Variants in SLC35F4 observed in about 807,000 individuals in gnomAD.
The protein encoded by SLC35F4 is chromosome 14 open reading frame 36.
SLC35F4 carries 24 observed loss-of-function variants against 44.2 expected under a neutral mutation model. The ratio of observed to expected loss-of-function variants is 0.54; its 90% CI spans 0.39 to 0.76. The LOEUF (loss-of-function observed/expected upper bound fraction) is 0.76, where lower values mean the gene tolerates loss of function less well. Ranked by LOEUF, SLC35F4 falls within the 30% of genes least tolerant of loss-of-function variation. SLC35F4 has a pLI of 0.00. For synonymous variants in SLC35F4, 238 were observed against 223.6 expected, an observed-to-expected ratio of 1.06 and a Z score of -0.57; for missense variants, 562 against 586.1, an observed-to-expected ratio of 0.96 and a Z score of 0.42.
chr14:57,932,900 C>T (rs1889726631), intron 1 of SLC35F4, among the ~76,000 whole-genome samples: 1 of 152,106 alleles, frequency 6.6e-6, no homozygotes, highest in Non-Finnish European at 1.5e-5. Context: ...AAGCTTTGCT[C>T]TTCTGATGCA....
At chr14:57,668,914 C>A (rs1482420152) in intron 1 of SLC35F4, among the ~76,000 whole-genome samples, 3 of 151,980 alleles carry the variant, frequency 2.0e-5, no homozygotes, top group South Asian at 2.1e-4. Flanking sequence ...TATAAATTAC[C>A]TTGGGCAGTA....
intron 1 of SLC35F4, among the ~76,000 whole-genome samples, chr14:57,759,155 C>A (rs190394830): frequency 4.5e-4 from 69 of 152,130 alleles, no homozygotes; most frequent in African/African-American, 1.5e-3. Flanking sequence ...GATTGCTTTC[C>A]CCTCTTGGCA....
At chr14:57,723,061 G>A (rs1477374365) in intron 1 of SLC35F4, among the ~76,000 whole-genome samples, 1 of 152,152 alleles carries the variant, frequency 6.6e-6, no homozygotes, top group South Asian at 2.1e-4. Flanking sequence ...GGGGACTACT[G>A]GACACTGGCT....
chr14:57,850,451 T>C (rs902614552), intron 1 of SLC35F4, among the ~76,000 whole-genome samples: 9 of 152,220 alleles, frequency 5.9e-5, no homozygotes, highest in Admixed American at 2.6e-4. Context: ...TCTTCTTCAC[T>C]ACCTAGAAGC....
intron 1 of SLC35F4, among the ~76,000 whole-genome samples, chr14:57,780,460 A>G (rs557110871): frequency 3.9e-4 from 59 of 152,330 alleles, no homozygotes; most frequent in African/African-American, 1.3e-3. Context: ...ATGGAAAAAC[A>G]TTTCATGCTC....
At chr14:57,815,584 T>C (rs182711643) in intron 1 of SLC35F4, among the ~76,000 whole-genome samples, 1 of 152,310 alleles carries the variant, frequency 6.6e-6, no homozygotes, top group Admixed American at 6.5e-5. Context: ...ATTTTTAATA[T>C]GTGACCCTTC....
intron 1 of SLC35F4, among the ~76,000 whole-genome samples, chr14:57,694,379 GGATCA>G (rs538458691): frequency 9.9e-5 from 15 of 152,096 alleles, no homozygotes; most frequent in Non-Finnish European, 2.2e-4. Flanking sequence ...TACATAAACA[GGATCA>G]GATATCACTT....
chr14:57,624,231 C>T (rs374033285), intron 1 of SLC35F4, among the ~76,000 whole-genome samples: 1 of 152,008 alleles, frequency 6.6e-6, no homozygotes, highest in African/African-American at 2.4e-5. Flanking sequence ...ACACATACAC[C>T]CTCTCAAGAC....
intron 1 of SLC35F4, among the ~76,000 whole-genome samples, chr14:57,909,443 A>G (rs1206563369): frequency 1.3e-5 from 2 of 151,500 alleles, no homozygotes; most frequent in East Asian, 3.9e-4. Flanking sequence ...TGCTCCACCA[A>G]TTTACCCCTC....
chr14:57,713,906 TC>T (rs1566787928), intron 1 of SLC35F4, among the ~76,000 whole-genome samples: 2 of 152,010 alleles, frequency 1.3e-5, no homozygotes, highest in South Asian at 2.1e-4. Flanking sequence ...TAGCCCTACC[TC>T]CCCCACCCCC....
At position 57,791,318 on chromosome 14, in the gene SLC35F4, G is replaced by T. The variant is rs191021986; in HGVS notation, c.103+74405C>A. On this transcript the variant is annotated intron_variant, in intron 1 of 7. Transcript: ENST00000556826. ...AAAACAAACAACCCCATCAAAAAATGGACAAAGGATATGAACACTTTTCAA... is the reference window on the plus strand; with the variant it reads ...AAAACAAACAACCCCATCAAAAAATTGACAAAGGATATGAACACTTTTCAA... 2.4e-4 allele frequency among the ~76,000 whole-genome samples: 36 copies of T among 152,214 alleles called. No individual in the cohort carries two copies. In the South Asian group the frequency reaches 2.7e-3, roughly 11 times the overall value.
intron 1 of SLC35F4, among the ~76,000 whole-genome samples, chr14:57,761,529 C>A (rs2077124625): frequency 6.6e-6 from 1 of 152,088 alleles, no homozygotes; most frequent in Admixed American, 6.6e-5. Context: ...ACAATAATTT[C>A]TGATATGCAC....
At chr14:57,870,141 T>C (rs2141026469), upstream of SLC35F4, among the ~76,000 whole-genome samples, 1 of 148,004 alleles carries the variant, frequency 6.8e-6, no homozygotes, top group African/African-American at 2.7e-5. Context: ...TGTGTGTGTG[T>C]GTGTGTGTGT....
intron 1 of SLC35F4, among the ~76,000 whole-genome samples, chr14:57,643,073 C>CCAAT (rs34523974): frequency 0.57 from 86,815 of 151,042 alleles, 26,347 homozygotes; most frequent in Non-Finnish European, 0.68. Context: ...TCTAATTAGC[C>CCAAT]CAAATATAAA....
At chr14:57,833,185 C>T (rs954913505) in intron 1 of SLC35F4, among the ~76,000 whole-genome samples, 3 of 152,192 alleles carry the variant, frequency 2.0e-5, no homozygotes, top group South Asian at 4.1e-4. Context: ...ATCATCTAAT[C>T]GCAAGGCAAT....
intron 1 of SLC35F4, among the ~76,000 whole-genome samples, chr14:57,666,574 C>T (rs73305938): frequency 4.6e-4 from 70 of 152,242 alleles, no homozygotes; most frequent in African/African-American, 1.6e-3. Flanking sequence ...AGCTATACCA[C>T]AACTCCTGAC....
chr14:57,900,078 T>C (rs959075052), intron 1 of SLC35F4, among the ~76,000 whole-genome samples: 3 of 150,422 alleles, frequency 2.0e-5, no homozygotes, highest in Admixed American at 1.3e-4. Context: ...TCCTACTGAT[T>C]GGTACATTTT....
intron 1 of SLC35F4, among the ~76,000 whole-genome samples, chr14:57,898,302 C>T (rs1888927087): frequency 6.6e-6 from 1 of 152,236 alleles, no homozygotes; most frequent in South Asian, 2.1e-4. Context: ...TATGCTATGG[C>T]ACCACATCAG....
chr14:57,962,467 C>A (rs1266049744), intron 1 of SLC35F4, among the ~76,000 whole-genome samples: 3 of 152,184 alleles, frequency 2.0e-5, no homozygotes. Context: ...CTGCCTCAAC[C>A]TAAATTAGGA....
Sources: gnomAD v4.1 joint callset for allele counts (sites outside exome capture counted in the v4.1 genomes callset) on GRCh38, gnomAD v4.1.1 for gene constraint, MANE v1.5 for transcripts, NCBI Gene and HGNC (gene_info 2026-07-23, HGNC 2026-07-21) for gene names.